ATXN7L1: variants seen among roughly 807,000 people sequenced by gnomAD.
ATXN7L1 encodes the protein ataxin 7 like 1.
ATXN7L1 carries 15 observed loss-of-function variants against 70.8 expected under a neutral mutation model. The ratio of observed to expected loss-of-function variants is 0.21; its 90% CI spans 0.14 to 0.33. The LOEUF (loss-of-function observed/expected upper bound fraction) is 0.33, where lower values mean the gene tolerates loss of function less well. Among genes scored for constraint, ATXN7L1 ranks in the 10% least tolerant of loss-of-function variants. The probability of loss-of-function intolerance (pLI) is 1.00; values close to 1 mark genes in which losing one functional copy is unlikely to be tolerated. For synonymous variants in ATXN7L1, 440 were observed against 445.1 expected, an observed-to-expected ratio of 0.99 and a Z score of 0.14; for missense variants, 975 against 1,097.1, an observed-to-expected ratio of 0.89 and a Z score of 1.57.
intron 3 of ATXN7L1, among the ~76,000 whole-genome samples, chr7:105,704,550 G>A (rs1792883846): frequency 6.7e-6 from 1 of 149,722 alleles, no homozygotes; most frequent in Admixed American, 6.7e-5. Context: ...CCCATGTTTG[G>A]ATGAGGAAAC....
At chr7:105,854,037 C>A (rs962373561) in intron 2 of ATXN7L1, among the ~76,000 whole-genome samples, 2 of 152,156 alleles carry the variant, frequency 1.3e-5, no homozygotes, top group Non-Finnish European at 1.5e-5. Flanking sequence ...ATTTAAACAT[C>A]CCCTTCATCC....
intron 3 of ATXN7L1, among the ~76,000 whole-genome samples, chr7:105,756,147 G>T (rs1799776694): frequency 6.6e-6 from 1 of 151,968 alleles, no homozygotes; most frequent in African/African-American, 2.4e-5. Context: ...TTTTTCTGTT[G>T]AAGACTCTTG....
At chr7:105,619,139 A>AGTTTT (rs1794370615) in intron 9 of ATXN7L1, among the ~76,000 whole-genome samples, 4 of 23,590 alleles carry the variant, frequency 1.7e-4, no homozygotes, top group South Asian at 1.6e-3. Flanking sequence ...TGAAATCTTT[A>AGTTTT]GTTTTTTTTT....
intron 5 of ATXN7L1, among the ~76,000 whole-genome samples, chr7:105,641,665 C>G (rs766154292): frequency 6.6e-5 from 10 of 152,226 alleles, no homozygotes; most frequent in Non-Finnish European, 1.2e-4. Context: ...AGAGTGAAAC[C>G]AAGCTTTCCA....
At chr7:105,793,758 T>C (rs1322921867) in intron 2 of ATXN7L1, among the ~76,000 whole-genome samples, 1 of 152,170 alleles carries the variant, frequency 6.6e-6, no homozygotes, top group African/African-American at 2.4e-5. Flanking sequence ...GTGGATTAGA[T>C]AGAGTGCTAG....
intron 2 of ATXN7L1, among the ~76,000 whole-genome samples, chr7:105,858,776 G>A (rs185893997): frequency 2.0e-5 from 3 of 152,148 alleles, no homozygotes; most frequent in African/African-American, 4.8e-5. Flanking sequence ...TCCAGAACAG[G>A]AGAAAAACAG....
chr7:105,790,081 T>C (rs986260139), intron 2 of ATXN7L1, among the ~76,000 whole-genome samples: 1 of 152,200 alleles, frequency 6.6e-6, no homozygotes, highest in Non-Finnish European at 1.5e-5. Flanking sequence ...ACCCCATTTA[T>C]ATGAAATGTC....
chr7:105,850,164 C>T (rs1308076244), intron 2 of ATXN7L1, among the ~76,000 whole-genome samples: 1 of 151,958 alleles, frequency 6.6e-6, no homozygotes, highest in Non-Finnish European at 1.5e-5. Flanking sequence ...AAAATACTTT[C>T]CTGTAGAATT....
chr7:105,613,541 TG>T (rs1238736817), intron 10 of ATXN7L1: 5 of 1,265,202 alleles, frequency 4.0e-6, no homozygotes, highest in Non-Finnish European at 5.0e-6. Flanking sequence ...CGATGTGGAG[TG>T]GGGAACTCAG....
At chr7:105,862,367 A>G (rs1385292673) in intron 2 of ATXN7L1, among the ~76,000 whole-genome samples, 3 of 152,032 alleles carry the variant, frequency 2.0e-5, no homozygotes, top group African/African-American at 7.2e-5. Context: ...TGAGCCCGGG[A>G]GGTCAAGGCT....
At chr7:105,794,657 A>T (rs1805732358) in intron 2 of ATXN7L1, among the ~76,000 whole-genome samples, 1 of 152,172 alleles carries the variant, frequency 6.6e-6, no homozygotes, top group Non-Finnish European at 1.5e-5. Context: ...ATTTAAAATT[A>T]TGGTTACCGC....
In ATXN7L1 at chr7:105,605,917, T is replaced by C. The variant is rs996033843; in HGVS notation, c.*1935A>G. 2 of 152,190 alleles carry C rather than the reference T, an allele frequency of 1.3e-5. No homozygotes were observed. The highest frequency in any genetic ancestry group is 4.8e-5 in the African/African-American group (2 of 41,460). The allele number at this position is 152,190 out of a possible 1,614,324, so 9.4% of individuals were successfully genotyped here. A position where few individuals can be genotyped will look rare whatever the true frequency, so the allele number is the denominator to read the frequency against. ...ATTCTGGTCAGTTAGCTCTGTAATATAGTAAAACATAAATTATTACAAAAT... is the reference window on the plus strand; with the variant it reads ...ATTCTGGTCAGTTAGCTCTGTAATACAGTAAAACATAAATTATTACAAAAT... On this transcript the variant is annotated 3_prime_UTR_variant, in exon 12 of 12. Coordinates refer to ENST00000419735, the MANE Select transcript of ATXN7L1 (RefSeq NM_020725.2).
chr7:105,686,566 A>C (rs1297329139), intron 3 of ATXN7L1, among the ~76,000 whole-genome samples: 1 of 152,162 alleles, frequency 6.6e-6, no homozygotes, highest in Non-Finnish European at 1.5e-5. Flanking sequence ...ATAATAACCT[A>C]CTGAACCTCA....
chr7:105,715,928 C>A (rs892056601), intron 3 of ATXN7L1, among the ~76,000 whole-genome samples: 2 of 152,098 alleles, frequency 1.3e-5, no homozygotes, highest in South Asian at 2.1e-4. Flanking sequence ...GTGACTGGAG[C>A]GTCCTAATTG....
chr7:105,759,880 A>C (rs551837527), intron 3 of ATXN7L1, among the ~76,000 whole-genome samples: 9 of 152,150 alleles, frequency 5.9e-5, no homozygotes, highest in African/African-American at 2.2e-4. Flanking sequence ...CAAAGATAGA[A>C]ATCAGTAAAG....
chr7:105,865,551 G>A (rs1817289681), intron 2 of ATXN7L1, among the ~76,000 whole-genome samples: 2 of 152,004 alleles, frequency 1.3e-5, no homozygotes, highest in African/African-American at 4.8e-5. Context: ...ACAGGCACGT[G>A]CCACCATACC....
At chr7:105,766,977 G>A (rs1801344473) in intron 3 of ATXN7L1, among the ~76,000 whole-genome samples, 1 of 152,204 alleles carries the variant, frequency 6.6e-6, no homozygotes. Flanking sequence ...CAGTCTTTCT[G>A]AAGACGTGTG....
At chr7:105,809,121 A>T (rs1808047617) in intron 2 of ATXN7L1, among the ~76,000 whole-genome samples, 1 of 152,206 alleles carries the variant, frequency 6.6e-6, no homozygotes, top group Admixed American at 6.5e-5. Flanking sequence ...AGAGCCCTGG[A>T]AGTCAGAGGC....
intron 3 of ATXN7L1, among the ~76,000 whole-genome samples, chr7:105,740,480 G>T (rs1398636382): frequency 6.6e-6 from 1 of 152,128 alleles, no homozygotes; most frequent in Non-Finnish European, 1.5e-5. Flanking sequence ...TGCTTGGAAA[G>T]CACTCACAAA....
Sources: allele counts gnomAD v4.1 joint callset (sites outside exome capture counted in the v4.1 genomes callset), GRCh38; gene constraint gnomAD v4.1.1; transcripts MANE v1.5; gene names NCBI Gene and HGNC (gene_info 2026-07-23, HGNC 2026-07-21).